The following PMS2 variants were observed in gnomAD, a reference collection of about 807,000 sequenced individuals.
PMS2 encodes the protein PMS1 homolog 2, mismatch repair system component.
In PMS2, 69 loss-of-function variants were observed where a neutral mutation model predicts 90.0. That is an observed-to-expected ratio of 0.77 (90% CI 0.63 to 0.94). The LOEUF (loss-of-function observed/expected upper bound fraction) is 0.94, where lower values mean the gene tolerates loss of function less well. Among genes scored for constraint, PMS2 ranks in the 40% least tolerant of loss-of-function variants. The pLI, the probability that PMS2 is intolerant of heterozygous loss-of-function variation, is 0.00. For synonymous variants in PMS2, 332 were observed against 375.1 expected (o/e 0.89, Z 1.33); for missense variants, 966 against 1,040.2 (o/e 0.93, Z 0.98).
chr7:6,003,766 G>C lies in PMS2; in HGVS notation c.277C>G (p.Gln93Glu), dbSNP rs1299810000. 2.5e-6 allele frequency: 4 copies of C among 1,604,572 alleles called. No individual in the cohort carries two copies. The highest frequency in any genetic ancestry group is 1.1e-5 in the South Asian group (1 of 91,032). The change falls in exon 4 of 15, where the codon CAA becomes GAA. Residue 93 changes from glutamine (Q) to glutamate (E), a missense_variant. Gln to Glu is a conservative substitution (Grantham distance 29). Coordinates refer to ENST00000265849, the MANE Select transcript of PMS2 (RefSeq NM_000535.7). ...ACCTGAGTTAGGTCGGCAAACTCTT[G>C]AATCTTAGATGTGTGATGTTTCAGA... is the stretch of plus-strand genomic sequence containing the variant. ...LTLKHHTSKI[Q>E]EFADLTQVET... is the part of the protein sequence containing the mutation.
chr7:5,994,806 G>GT (rs1784197561), intron 8 of PMS2, among the ~76,000 whole-genome samples: 1 of 151,690 alleles, frequency 6.6e-6, no homozygotes, highest in African/African-American at 2.4e-5. Flanking sequence ...AGAAAATACT[G>GT]TATGTCAAAA....
chr7:5,976,370 T>C (rs553852194), intron 14 of PMS2, among the ~76,000 whole-genome samples: 16 of 144,912 alleles, frequency 1.1e-4, no homozygotes, highest in African/African-American at 3.9e-4. Context: ...AGCCGCCTTG[T>C]TACCTCTGTG....
In PMS2 at chr7:5,973,294, T is replaced by A; in HGVS notation, c.*105A>T. 7.3e-7 allele frequency: 1 copy of A among 1,371,166 alleles called. No individual in the cohort carries two copies. Among genetic ancestry groups the A allele is most frequent in the East Asian group, 2.5e-5 (1 of 39,240 alleles). The allele number at this position is 1,371,166 out of a possible 1,614,324, so 84.9% of individuals were successfully genotyped here. On this transcript the variant is annotated 3_prime_UTR_variant, in exon 15 of 15. Transcript: ENST00000265849. ...TTAAATGGGTGTGATGTGTATTTTT[T>A]TTAAGTAGCAGGTTCATTTTAAAAC...
intron 4 of PMS2, 91 bp downstream of exon 4, chr7:6,003,599 A>G: frequency 4.0e-6 from 3 of 745,278 alleles, no homozygotes; most frequent in Non-Finnish European, 7.1e-6. Context: ...TGAGATGTTG[A>G]GATAGAAAAC....
chr7:6,006,609 C>T (rs1269924622), intron 1 of PMS2, among the ~76,000 whole-genome samples: 4 of 151,512 alleles, frequency 2.6e-5, no homozygotes, highest in African/African-American at 4.9e-5. Flanking sequence ...GCTGAGATTG[C>T]GGCATTGCAC....
rs1237114564 is a variant in PMS2, at chr7:5,973,200, TGCAAACATAGA to T, written c.*188_*198del. 2 of 488,664 alleles carry T rather than the reference TGCAAACATAGA, an allele frequency of 4.1e-6. No individual in the cohort carries two copies. Among genetic ancestry groups the T allele is most frequent in the Admixed American group, 6.7e-5 (2 of 29,716 alleles). The allele number at this position is 488,664 out of a possible 1,614,324, so 30.3% of individuals were successfully genotyped here. The stretch of plus-strand genomic sequence containing the variant: ...GCCTGGACACACACACACGAGCGCA[TGCAAACATAGA>T]GAAAAAAAATTTGCAAGCAATGCTC... On this transcript the variant is annotated 3_prime_UTR_variant, in exon 15 of 15. Transcript: ENST00000265849.
chr7:6,004,712 T>C (rs1438943045), intron 2 of PMS2, among the ~76,000 whole-genome samples: 2 of 128,380 alleles, frequency 1.6e-5, no homozygotes, highest in Non-Finnish European at 3.3e-5. Flanking sequence ...CAAAACTCTA[T>C]CTCAAAAAAA....
intron 8 of PMS2, among the ~76,000 whole-genome samples, chr7:5,993,226 C>G (rs1361449534): frequency 6.6e-6 from 1 of 151,930 alleles, no homozygotes; most frequent in Non-Finnish European, 1.5e-5. Flanking sequence ...AAAAAATTAG[C>G]CAGGCATGGC....
chr7:5,989,656 G>A (rs1384212620), intron 10 of PMS2, 144 bp downstream of exon 10: 4 of 609,484 alleles, frequency 6.6e-6, no homozygotes, highest in Non-Finnish European at 1.1e-5. Context: ...GACAGAGCAA[G>A]TCCCTGTCTC....
chr7:6,003,732 A>T lies in PMS2; in HGVS notation c.311T>A (p.Phe104Tyr). ...EFADLTQVET[F>Y]GFRGEALSSL... ...GCTCAGAGCTTCCCCCCGAAAGCCA[A>T]AAGTTTCAACCTGAGTTAGGTCGGC... is the stretch of plus-strand genomic sequence containing the variant. The change falls in exon 4 of 15, where the codon TTT becomes TAT. Residue 104 changes from phenylalanine to tyrosine, a missense_variant. Phe to Tyr is a conservative substitution (Grantham distance 22, BLOSUM62 3). Coordinates refer to ENST00000265849, the MANE Select transcript of PMS2 (RefSeq NM_000535.7). 5.0e-6 allele frequency: 8 copies of T among 1,601,422 alleles called. No homozygotes were observed. The highest frequency in any genetic ancestry group is 6.8e-6 in the Non-Finnish European group (8 of 1,179,340).
At chr7:5,981,495 C>T (rs1263329994) in intron 12 of PMS2, among the ~76,000 whole-genome samples, 1 of 149,860 alleles carries the variant, frequency 6.7e-6, no homozygotes, top group Non-Finnish European at 1.5e-5. Context: ...ATCTGCCTGC[C>T]TCAGCCTCCC....
intron 4 of PMS2, 111 bp downstream of exon 4, chr7:6,003,579 A>C: frequency 2.9e-6 from 2 of 694,806 alleles, no homozygotes; most frequent in South Asian, 3.1e-5. Context: ...AGAATTCAGA[A>C]GCTAGAAGTT....
At chr7:5,999,306 C>A (rs2128802766) in intron 5 of PMS2, 31 bp from the exon 6 acceptor site, 6 of 1,584,318 alleles carry the variant, frequency 3.8e-6, no homozygotes, top group Non-Finnish European at 5.2e-6. Context: ...CAATATTCTA[C>A]ATTACTTTAA....
At chr7:6,003,273 G>A (rs370179369) in intron 4 of PMS2, 3 of 146,568 alleles carry the variant, frequency 2.0e-5, no homozygotes, top group Admixed American at 7.0e-5. Context: ...CAGCCTGGGT[G>A]ACAAAGAGAG....
intron 4 of PMS2, among the ~76,000 whole-genome samples, chr7:6,002,867 G>C (rs941628982): frequency 2.6e-5 from 4 of 152,154 alleles, no homozygotes; most frequent in African/African-American, 9.7e-5. Context: ...TAAAAGCTTT[G>C]ATTTCGTTTT....
At chr7:6,006,513 C>T (rs1013136159) in intron 1 of PMS2, among the ~76,000 whole-genome samples, 3 of 151,944 alleles carry the variant, frequency 2.0e-5, no homozygotes, top group South Asian at 2.1e-4. Context: ...ATTAGCCAGG[C>T]ATGGTGGTGG....
chr7:5,992,972 T>A (rs902347793), intron 8 of PMS2, among the ~76,000 whole-genome samples: 1 of 152,206 alleles, frequency 6.6e-6, no homozygotes, highest in Admixed American at 6.5e-5. Context: ...AAATATCACA[T>A]TATTAATAGT....
intron 12 of PMS2, among the ~76,000 whole-genome samples, chr7:5,981,691 C>T (rs1336114998): frequency 6.6e-6 from 1 of 151,584 alleles, no homozygotes; most frequent in East Asian, 1.9e-4. Flanking sequence ...GATCTTCTGG[C>T]TAACCAGTGA....
chr7:5,985,293 A>C (rs1301417866), intron 11 of PMS2, among the ~76,000 whole-genome samples: 3 of 122,524 alleles, frequency 2.4e-5, no homozygotes, highest in Non-Finnish European at 5.0e-5. Flanking sequence ...TTTTTTAGAG[A>C]TGGGGCCTCA....
Sources: gnomAD v4.1 joint callset for allele counts (sites outside exome capture counted in the v4.1 genomes callset) on GRCh38, gnomAD v4.1.1 for gene constraint, MANE v1.5 for transcripts, NCBI Gene and HGNC (gene_info 2026-07-23, HGNC 2026-07-21) for gene names.